Variants in SAMTOR observed in about 807,000 individuals in gnomAD.
The protein encoded by SAMTOR is S-adenosylmethionine sensor upstream of mTORC1.
At chr7:112,921,518 A>C in the SAMTOR span, among the ~76,000 whole-genome samples, 2 of 150,376 alleles carry the variant, frequency 1.3e-5, no homozygotes, top group African/African-American at 4.9e-5. Flanking sequence ...AGGCATTACC[A>C]TTCAGGACAT....
At chr7:112,914,130 G>A in the SAMTOR span, among the ~76,000 whole-genome samples, 1 of 152,010 alleles carries the variant, frequency 6.6e-6, no homozygotes, top group African/African-American at 2.4e-5. Context: ...AATGAAATAT[G>A]CATTATTACA....
At chr7:112,863,822 A>G in the SAMTOR span, among the ~76,000 whole-genome samples, 14 of 152,332 alleles carry the variant, frequency 9.2e-5, no homozygotes, top group Admixed American at 2.6e-4. Context: ...GGGAGCGTAA[A>G]CTAGTTCAAC....
At chr7:112,932,896 C>T in the SAMTOR span, among the ~76,000 whole-genome samples, 2 of 152,182 alleles carry the variant, frequency 1.3e-5, no homozygotes, top group Admixed American at 6.6e-5. Flanking sequence ...GCCTGAAGAT[C>T]GGACTCTAAA....
chr7:112,928,819 C>T, the SAMTOR span, among the ~76,000 whole-genome samples: 4 of 151,826 alleles, frequency 2.6e-5, no homozygotes, highest in African/African-American at 7.2e-5. Context: ...AAGGCTTTTT[C>T]ATTTTGTGTT....
the SAMTOR span, among the ~76,000 whole-genome samples, chr7:112,836,243 G>A: frequency 6.6e-6 from 1 of 152,166 alleles, no homozygotes; most frequent in Admixed American, 6.5e-5. Flanking sequence ...GTTTAGTGAT[G>A]TTGAGCATTT....
the SAMTOR span, among the ~76,000 whole-genome samples, chr7:112,919,711 T>C: frequency 6.6e-6 from 1 of 150,402 alleles, no homozygotes. Flanking sequence ...GCAAGACTAA[T>C]AAAGAAGAAA....
the SAMTOR span, among the ~76,000 whole-genome samples, chr7:112,833,987 A>G: frequency 6.6e-6 from 1 of 152,072 alleles, no homozygotes; most frequent in Non-Finnish European, 1.5e-5. Flanking sequence ...ATCCTTATTT[A>G]TTCCCTTGAT....
the SAMTOR span, among the ~76,000 whole-genome samples, chr7:112,835,879 C>T: frequency 6.6e-6 from 1 of 152,260 alleles, no homozygotes; most frequent in African/African-American, 2.4e-5. Flanking sequence ...TTTATCCAGT[C>T]TACTGCTGTT....
the SAMTOR span, among the ~76,000 whole-genome samples, chr7:112,858,261 T>C: frequency 7.9e-5 from 12 of 152,090 alleles, no homozygotes; most frequent in African/African-American, 2.7e-4. Context: ...GCAATGTTAC[T>C]ATAAATTTTC....
chr7:112,852,161 G>GATCAC, the SAMTOR span, among the ~76,000 whole-genome samples: 1 of 152,084 alleles, frequency 6.6e-6, no homozygotes, highest in African/African-American at 2.4e-5. Flanking sequence ...CTTGTATGTT[G>GATCAC]ATCACAGCAC....
At chr7:112,857,754 C>A in the SAMTOR span, among the ~76,000 whole-genome samples, 1 of 152,126 alleles carries the variant, frequency 6.6e-6, no homozygotes, top group African/African-American at 2.4e-5. Context: ...TATGCAATGG[C>A]CCAAGTTGCC....
At chr7:112,862,311 GA>G in the SAMTOR span, among the ~76,000 whole-genome samples, 2 of 152,240 alleles carry the variant, frequency 1.3e-5, no homozygotes, top group East Asian at 3.9e-4. Context: ...GGGGTAAAAA[GA>G]AAACAGAGGA....
chr7:112,840,240 C>T, the SAMTOR span, among the ~76,000 whole-genome samples: 1 of 151,786 alleles, frequency 6.6e-6, no homozygotes, highest in Admixed American at 6.6e-5. Flanking sequence ...TTAGTAATTC[C>T]ATGTTTTTGA....
chr7:112,939,606 T>C, the SAMTOR span: 2 of 1,613,886 alleles, frequency 1.2e-6, no homozygotes. Context: ...CGGTACTTCT[T>C]GCGGAGCCGC....
At chr7:112,893,846 G>A in the SAMTOR span, among the ~76,000 whole-genome samples, 5 of 152,320 alleles carry the variant, frequency 3.3e-5, no homozygotes, top group East Asian at 9.7e-4. Flanking sequence ...AGCTTGCAGT[G>A]AGCTGAGATC....
chr7:112,906,062 T>C, the SAMTOR span, among the ~76,000 whole-genome samples: 3 of 152,158 alleles, frequency 2.0e-5, no homozygotes, highest in Admixed American at 1.3e-4. Flanking sequence ...AAATCATCCA[T>C]ATATATATGT....
the SAMTOR span, among the ~76,000 whole-genome samples, chr7:112,914,732 T>G: frequency 6.6e-6 from 1 of 152,340 alleles, no homozygotes; most frequent in East Asian, 1.9e-4. Context: ...TATATTTAAA[T>G]GTATTGTATG....
the SAMTOR span, among the ~76,000 whole-genome samples, chr7:112,837,024 T>G: frequency 2.4e-4 from 36 of 152,244 alleles, no homozygotes; most frequent in African/African-American, 8.2e-4. Flanking sequence ...ATCTGTAAAT[T>G]GCTTTGACAG....
the SAMTOR span, among the ~76,000 whole-genome samples, chr7:112,886,162 T>A: frequency 6.6e-6 from 1 of 152,064 alleles, no homozygotes; most frequent in Admixed American, 6.5e-5. Flanking sequence ...TTTAATTACC[T>A]CCCACCAGGT....
Sources: gnomAD v4.1 joint callset for allele counts (sites outside exome capture counted in the v4.1 genomes callset) on GRCh38, gnomAD v4.1.1 for gene constraint, MANE v1.5 for transcripts, NCBI Gene and HGNC (gene_info 2026-07-23, HGNC 2026-07-21) for gene names.